NRXN1: variants seen among roughly 807,000 people sequenced by gnomAD.
NRXN1 encodes neurexin 1, also known as neurexin-1.
A neutral mutation model predicts 150.9 loss-of-function variants in NRXN1; 39 were observed. That is an observed-to-expected ratio of 0.26 (90% CI 0.20 to 0.34). The LOEUF (loss-of-function observed/expected upper bound fraction) is 0.34, where lower values mean the gene tolerates loss of function less well. NRXN1 is among the 10% of genes least tolerant of loss of function. The pLI is 1.00. For synonymous variants in NRXN1, 924 were observed against 757.0 expected (o/e 1.22, Z -3.62); for missense variants, 1,815 against 1,949.9 (o/e 0.93, Z 1.30).
chr2:50,970,882 T>C (rs926856460), intron 2 of NRXN1, among the ~76,000 whole-genome samples: 2 of 152,122 alleles, frequency 1.3e-5, no homozygotes, highest in Non-Finnish European at 2.9e-5. Context: ...ATTATCTTTG[T>C]TTCCAGAAAT....
At chr2:50,953,439 G>A (rs184933230) in intron 2 of NRXN1, among the ~76,000 whole-genome samples, 2 of 152,052 alleles carry the variant, frequency 1.3e-5, no homozygotes, top group East Asian at 1.9e-4. Flanking sequence ...AGCATTTTAC[G>A]TCATCAGGAC....
At chr2:50,236,577 CAAAAA>C (rs35377914) in intron 18 of NRXN1, among the ~76,000 whole-genome samples, 3 of 118,920 alleles carry the variant, frequency 2.5e-5, no homozygotes, top group Non-Finnish European at 3.7e-5. Flanking sequence ...ATTCACACTC[CAAAAA>C]AAAAAAAAAA....
chr2:50,698,255 C>T (rs1405841264), intron 5 of NRXN1, among the ~76,000 whole-genome samples: 2 of 152,150 alleles, frequency 1.3e-5, no homozygotes, highest in Non-Finnish European at 2.9e-5. Context: ...TTTGGTAGTC[C>T]CTGAGACTTT....
intron 18 of NRXN1, among the ~76,000 whole-genome samples, chr2:50,165,359 T>C (rs1411715957): frequency 6.6e-6 from 1 of 152,028 alleles, no homozygotes; most frequent in Non-Finnish European, 1.5e-5. Flanking sequence ...TTTTTTTTTC[T>C]TTTTCTTTAG....
chr2:50,865,768 C>T (rs1676845107), intron 5 of NRXN1, among the ~76,000 whole-genome samples: 1 of 129,768 alleles, frequency 7.7e-6, no homozygotes, highest in Admixed American at 9.3e-5. Flanking sequence ...GGGGGATGTA[C>T]ATACATCTAC....
intron 21 of NRXN1, chr2:49,973,950 T>TGTGA: frequency 1.4e-6 from 1 of 717,024 alleles, no homozygotes; most frequent in Non-Finnish European, 2.6e-6. Flanking sequence ...CAGCAGCGGC[T>TGTGA]GTGACAGAAG....
chr2:50,492,922 A>G (rs369446574), intron 15 of NRXN1, among the ~76,000 whole-genome samples: 220 of 32,478 alleles, frequency 6.8e-3, no homozygotes, highest in African/African-American at 0.038. Context: ...CTTTAAAAAG[A>G]AAGATGCCTG....
intron 19 of NRXN1, among the ~76,000 whole-genome samples, chr2:50,056,036 C>T (rs935254902): frequency 1.3e-5 from 2 of 152,048 alleles, no homozygotes; most frequent in Non-Finnish European, 2.9e-5. Context: ...GAGACACCAT[C>T]TCGGTGTTGA....
chr2:50,134,845 A>C (rs1706142696), intron 18 of NRXN1, among the ~76,000 whole-genome samples: 1 of 152,222 alleles, frequency 6.6e-6, no homozygotes. Flanking sequence ...ATGGCATTAG[A>C]AAATCCTGAA....
At position 50,623,575 on chromosome 2, in the gene NRXN1, G is replaced by A; in HGVS notation, c.873C>T (p.Tyr291=). 1 of 1,613,116 alleles carries A rather than the reference G, an allele frequency of 6.2e-7. No individual in the cohort carries two copies. The highest frequency in any genetic ancestry group is 8.5e-7 in the Non-Finnish European group (1 of 1,179,370). ...EYIATFKGSE[Y]FCYDLSQNPI... ...GGTTTTGAGACAAGTCGTAGCAGAAGTATTCAGATCCTTTGAACGTGGCAA... is the reference window on the plus strand; with the variant it reads ...GGTTTTGAGACAAGTCGTAGCAGAAATATTCAGATCCTTTGAACGTGGCAA... Residue 291 remains tyrosine, a synonymous_variant, in exon 6 of 23, where the codon TAC becomes TAT. Coordinates refer to ENST00000401669, the MANE Select transcript of NRXN1 (RefSeq NM_001330078.2).
At chr2:50,300,089 A>T (rs1430340698) in intron 17 of NRXN1, among the ~76,000 whole-genome samples, 2 of 152,204 alleles carry the variant, frequency 1.3e-5, no homozygotes, top group Non-Finnish European at 2.9e-5. Flanking sequence ...AGGAGGTGGG[A>T]TAGAGAAATA....
chr2:50,795,209 G>C (rs1440075941), intron 5 of NRXN1, among the ~76,000 whole-genome samples: 2 of 152,088 alleles, frequency 1.3e-5, no homozygotes, highest in Non-Finnish European at 2.9e-5. Flanking sequence ...GATTTACCTG[G>C]AGGGTTTGGT....
chr2:50,563,902 A>C (rs1427740596), intron 8 of NRXN1, among the ~76,000 whole-genome samples: 1 of 152,134 alleles, frequency 6.6e-6, no homozygotes, highest in East Asian at 1.9e-4. Flanking sequence ...ACATCCACCT[A>C]AGAGCCTGCA....
intron 17 of NRXN1, among the ~76,000 whole-genome samples, chr2:50,247,011 T>C (rs2066561780): frequency 6.6e-6 from 1 of 152,102 alleles, no homozygotes; most frequent in Non-Finnish European, 1.5e-5. Flanking sequence ...GATTCAATGA[T>C]GAATACCATA....
At chr2:49,932,562 T>G (rs1012913209) in intron 22 of NRXN1, among the ~76,000 whole-genome samples, 6 of 152,086 alleles carry the variant, frequency 3.9e-5, no homozygotes, top group African/African-American at 7.2e-5. Flanking sequence ...ATTAAATAGT[T>G]CCAGGAAACC....
chr2:50,848,607 A>T (rs1247132660), intron 5 of NRXN1, among the ~76,000 whole-genome samples: 2 of 152,166 alleles, frequency 1.3e-5, no homozygotes, highest in East Asian at 3.9e-4. Flanking sequence ...GTTTTCAGTT[A>T]ACATTCCAAA....
chr2:50,416,204 G>A (rs944991174), intron 17 of NRXN1, among the ~76,000 whole-genome samples: 1 of 152,104 alleles, frequency 6.6e-6, no homozygotes, highest in Non-Finnish European at 1.5e-5. Context: ...GAGCAATAAA[G>A]AGAGAGAATT....
chr2:50,054,031 A>G (rs1298965669), intron 20 of NRXN1, among the ~76,000 whole-genome samples: 2 of 152,226 alleles, frequency 1.3e-5, no homozygotes, highest in East Asian at 1.9e-4. Flanking sequence ...TAAAAATTTC[A>G]TAATTCACAT....
At chr2:50,601,983 G>C (rs1170647413) in intron 8 of NRXN1, among the ~76,000 whole-genome samples, 6 of 152,154 alleles carry the variant, frequency 3.9e-5, no homozygotes, top group Non-Finnish European at 8.8e-5. Flanking sequence ...AAAGAGTCTG[G>C]ACCAAGAATC....
Sources: gnomAD v4.1 joint callset for allele counts (sites outside exome capture counted in the v4.1 genomes callset) on GRCh38, gnomAD v4.1.1 for gene constraint, MANE v1.5 for transcripts, NCBI Gene and HGNC (gene_info 2026-07-23, HGNC 2026-07-21) for gene names.